Variants in TEX10 observed in about 807,000 individuals in gnomAD.
TEX10 encodes the protein testis expressed 10.
In TEX10, 24 loss-of-function variants were observed where a neutral mutation model predicts 104.4. The ratio of observed to expected loss-of-function variants is 0.23; its 90% CI spans 0.17 to 0.32. TEX10 has a LOEUF of 0.32. TEX10 is among the 10% of genes least tolerant of loss of function. TEX10 has a pLI of 1.00. For missense variants in TEX10, 921 were observed against 1,083.9 expected (o/e 0.85, Z 2.11); for synonymous variants, 396 against 393.4 (o/e 1.01, Z -0.08).
chr9:100,333,693 G>C (rs1273207278), intron 5 of TEX10, among the ~76,000 whole-genome samples: 2 of 148,754 alleles, frequency 1.3e-5, no homozygotes, highest in Admixed American at 1.3e-4. Context: ...AAACAAAGCT[G>C]GAAGACTCAC....
In TEX10 at chr9:100,346,055, G is replaced by A; in HGVS notation, c.1137+17C>T. The A allele has an allele frequency of 6.3e-7, 1 of 1,586,184 alleles. No individual in the cohort carries two copies. The highest frequency in any genetic ancestry group is 8.6e-7 in the Non-Finnish European group (1 of 1,166,778). On this transcript the variant is annotated intron_variant, in intron 4 of 14. Transcript: ENST00000374902. ...AGGCTATTAATACTAAGAAAATAAA[G>A]AACCATTAGTTCTCACCAATTTATG... is the stretch of plus-strand genomic sequence containing the variant.
At chr9:100,329,416 G>A (rs1834796123) in intron 6 of TEX10, 141 bp from the exon 7 acceptor site, 1 of 879,498 alleles carries the variant, frequency 1.1e-6, no homozygotes, top group South Asian at 1.8e-5. Context: ...TACCATTGAA[G>A]TCCTATAGCA....
intron 9 of TEX10, among the ~76,000 whole-genome samples, chr9:100,323,209 C>T (rs1202709375): frequency 1.3e-5 from 2 of 152,182 alleles, no homozygotes; most frequent in Admixed American, 6.5e-5. Context: ...TGATAAATGA[C>T]AAGCAATATA....
intron 9 of TEX10, 51 bp from the exon 10 acceptor site, chr9:100,321,822 C>G: frequency 5.8e-6 from 8 of 1,381,892 alleles, no homozygotes; most frequent in Non-Finnish European, 8.2e-6. Context: ...ACTTGACAGA[C>G]TTGTCAAAGG....
At chr9:100,332,646 C>A (rs1208322954) in intron 5 of TEX10, among the ~76,000 whole-genome samples, 1 of 151,934 alleles carries the variant, frequency 6.6e-6, no homozygotes, top group East Asian at 1.9e-4. Context: ...ACGGTGAAAC[C>A]CCACCTCTAC....
intron 14 of TEX10, among the ~76,000 whole-genome samples, 153 bp downstream of exon 14, chr9:100,303,479 C>T (rs550721581): frequency 3.5e-4 from 51 of 146,800 alleles, no homozygotes; most frequent in African/African-American, 1.1e-3. Flanking sequence ...CTGGACAGCA[C>T]GGGAGACCCT....
At position 100,332,656 on chromosome 9, in the gene TEX10, C is replaced by A. The variant is rs374431446; in HGVS notation, c.1251-2487G>T. On this transcript the variant is annotated intron_variant, in intron 5 of 14. Coordinates refer to ENST00000374902, the MANE Select transcript of TEX10 (RefSeq NM_017746.4). ...CTAACACGGTGAAACCCCACCTCTA[C>A]TAAAAATATAAAAAATTAGCCGGGC... is the stretch of plus-strand genomic sequence containing the variant. Among the ~76,000 whole-genome samples, 11 of 152,016 alleles carry A rather than the reference C, an allele frequency of 7.2e-5. No individual in the cohort carries two copies. In the East Asian group the frequency reaches 1.2e-3, roughly 16 times the overall value.
At chr9:100,309,213 A>C (rs1275372973) in intron 12 of TEX10, among the ~76,000 whole-genome samples, 3 of 152,188 alleles carry the variant, frequency 2.0e-5, no homozygotes, top group African/African-American at 7.2e-5. Context: ...ATATTACTAT[A>C]GTTAACATTT....
chr9:100,315,774 T>A (rs1274343087), intron 11 of TEX10, among the ~76,000 whole-genome samples: 1 of 152,230 alleles, frequency 6.6e-6, no homozygotes, highest in Non-Finnish European at 1.5e-5. Context: ...CTGCTGTTAG[T>A]CTGACGGGAT....
chr9:100,302,628 T>G (rs913362471), intron 14 of TEX10, among the ~76,000 whole-genome samples: 6 of 152,190 alleles, frequency 3.9e-5, no homozygotes, highest in African/African-American at 1.4e-4. Context: ...TGTCTCATGA[T>G]CTTTACCCCA....
Position 100,326,339 on chromosome 9 carries a change from T to G in TEX10, c.1942A>C (p.Ser648Arg). The G allele has an allele frequency of 6.2e-7, 1 of 1,613,984 alleles. No individual in the cohort carries two copies. The highest frequency in any genetic ancestry group is 8.5e-7 in the Non-Finnish European group (1 of 1,179,948). ...RCCIMGRLSS[S>R]LAAMLIGILH... ...ATCCCGATAAGCATGGCAGCCAAAC[T>G]TGAACTGAGTCTTCCCATAATACAG... The change falls in exon 9 of 15, where the codon AGT (serine) becomes CGT (arginine). Residue 648 changes from serine (S) to arginine (R), a missense_variant. Ser to Arg is a moderately radical substitution (Grantham distance 110). This residue lies in a region of TEX10 where 753 missense variants were observed against 868.4 expected (regional missense o/e 0.87). Coordinates refer to ENST00000374902, the MANE Select transcript of TEX10 (RefSeq NM_017746.4).
At chr9:100,332,994 TCCTA>T (rs1162038522) in intron 5 of TEX10, among the ~76,000 whole-genome samples, 10 of 151,896 alleles carry the variant, frequency 6.6e-5, no homozygotes, top group African/African-American at 2.2e-4. Flanking sequence ...ACCAAGACAT[TCCTA>T]CCTGTTTTTT....
At chr9:100,344,287 T>C (rs1835247479) in intron 4 of TEX10, among the ~76,000 whole-genome samples, 1 of 152,208 alleles carries the variant, frequency 6.6e-6, no homozygotes, top group Non-Finnish European at 1.5e-5. Context: ...AGCCTAGTCA[T>C]GTTATAATAG....
chr9:100,348,467 C>T (rs1455613156), intron 2 of TEX10, among the ~76,000 whole-genome samples: 2 of 152,194 alleles, frequency 1.3e-5, no homozygotes, highest in Non-Finnish European at 2.9e-5. Context: ...ACTTCTCAAA[C>T]TTCAATTGAC....
intron 1 of TEX10, 172 bp downstream of exon 1, chr9:100,352,600 C>A (rs780722233): frequency 5.0e-5 from 74 of 1,494,040 alleles, no homozygotes; most frequent in Non-Finnish European, 6.4e-5. Flanking sequence ...CCCCGCAGTG[C>A]CGGCCGCACA....
intron 9 of TEX10, 28 bp from the exon 10 acceptor site, chr9:100,321,799 C>T (rs913237365): frequency 6.5e-7 from 1 of 1,532,318 alleles, no homozygotes; most frequent in Non-Finnish European, 9.0e-7. Flanking sequence ...AGAACTATTA[C>T]CAGAAGTGAC....
intron 1 of TEX10, among the ~76,000 whole-genome samples, chr9:100,349,627 G>A (rs1328061061): frequency 2.0e-5 from 3 of 151,230 alleles, no homozygotes; most frequent in African/African-American, 7.3e-5. Flanking sequence ...CTTTTGTCAA[G>A]CTATATGCTA....
In TEX10 at chr9:100,346,183, A is replaced by G. The variant is rs1261361792; in HGVS notation, c.1026T>C (p.Thr342=). The G allele has an allele frequency of 1.2e-6, 2 of 1,613,942 alleles. No individual in the cohort carries two copies. The highest frequency in any genetic ancestry group is 1.3e-5 in the African/African-American group (1 of 74,922). The part of the protein sequence containing the change: ...WVEAVPPQLA[T]PVGNGIEREP... Reference sequence around the variant, plus strand: ...CTCGTTCTATACCATTCCCAACAGGAGTAGCTAGTTGTGGAGGTACAGCTT... The same window carrying G: ...CTCGTTCTATACCATTCCCAACAGGGGTAGCTAGTTGTGGAGGTACAGCTT... Residue 342 remains threonine (T), a synonymous_variant, in exon 4 of 15, where the codon ACT becomes ACC. Coordinates refer to ENST00000374902, the MANE Select transcript of TEX10 (RefSeq NM_017746.4).
Position 100,340,429 on chromosome 9 carries a change from AC to A in TEX10, c.1138-61del, listed in dbSNP as rs1835144218. On this transcript the variant is annotated intron_variant, in intron 4 of 14. Coordinates refer to ENST00000374902, the MANE Select transcript of TEX10 (RefSeq NM_017746.4). ...GAAAAAATGTAAAATAAGCAATAAA[AC>A]TTGAAGAGAAATGACAACTTGTCAA... 2.1e-5 allele frequency: 22 copies of A among 1,027,526 alleles called. No homozygotes were observed. The East Asian group carries it at 6.1e-4, about 28-fold the overall frequency. 63.7% of individuals were successfully genotyped at this position (1,027,526 alleles called of 1,614,324 possible).
Sources: gnomAD v4.1 joint callset for allele counts (sites outside exome capture counted in the v4.1 genomes callset) on GRCh38, gnomAD v4.1.1 for gene constraint, gnomAD v4.1.1 regional missense constraint, MANE v1.5 for transcripts, NCBI Gene and HGNC (gene_info 2026-07-23, HGNC 2026-07-21) for gene names.